The following BIRC6 variants were observed in gnomAD, a reference collection of about 807,000 sequenced individuals.
BIRC6 encodes dual E2 ubiquitin-conjugating enzyme/E3 ubiquitin-protein ligase BIRC6.
BIRC6 carries 98 observed loss-of-function variants against 503.3 expected under a neutral mutation model. That is an observed-to-expected ratio of 0.19 (90% CI 0.17 to 0.23). BIRC6 has a LOEUF of 0.23. Among genes scored for constraint, BIRC6 ranks in the 10% least tolerant of loss-of-function variants. The pLI, the probability that BIRC6 is intolerant of heterozygous loss-of-function variation, is 1.00. For missense variants in BIRC6, 5,360 were observed against 5,806.0 expected, an observed-to-expected ratio of 0.92 and a Z score of 2.50; for synonymous variants, 2,240 against 2,078.7, an observed-to-expected ratio of 1.08 and a Z score of -2.11.
chr2:32,399,474 C>T (rs1204029641), intron 6 of BIRC6, among the ~76,000 whole-genome samples: 1 of 152,164 alleles, frequency 6.6e-6, no homozygotes, highest in African/African-American at 2.4e-5. Flanking sequence ...CTTACTGCAG[C>T]CTCATATTCT....
chr2:32,520,293 A>G (rs907881895), intron 57 of BIRC6, among the ~76,000 whole-genome samples: 1 of 152,204 alleles, frequency 6.6e-6, no homozygotes, highest in African/African-American at 2.4e-5. Context: ...CTGCTTCACA[A>G]TCGCTGTGTC....
intron 65 of BIRC6, chr2:32,558,616 CAG>C (rs2058945537): frequency 6.6e-6 from 1 of 152,110 alleles, no homozygotes; most frequent in African/African-American, 2.4e-5. Context: ...TACTAAATGT[CAG>C]AGTTTTAAAA....
At chr2:32,568,225 T>C (rs1235565286) in intron 65 of BIRC6, among the ~76,000 whole-genome samples, 1 of 151,206 alleles carries the variant, frequency 6.6e-6, no homozygotes, top group Non-Finnish European at 1.5e-5. Flanking sequence ...TTTGAAATAT[T>C]AATCACTGTA....
intron 2 of BIRC6, among the ~76,000 whole-genome samples, chr2:32,378,212 C>G (rs2037105323): frequency 6.6e-6 from 1 of 152,044 alleles, no homozygotes; most frequent in African/African-American, 2.4e-5. Context: ...GCATCTCTCT[C>G]TTCTCTCCTT....
At chr2:32,426,544 C>T (rs1357195802) in intron 10 of BIRC6, among the ~76,000 whole-genome samples, 1 of 152,240 alleles carries the variant, frequency 6.6e-6, no homozygotes, top group East Asian at 1.9e-4. Flanking sequence ...GCGGAGGTTG[C>T]AGTGAGCTGA....
intron 21 of BIRC6, among the ~76,000 whole-genome samples, chr2:32,447,165 C>G (rs1436401435): frequency 4.7e-5 from 7 of 149,914 alleles, no homozygotes; most frequent in Admixed American, 6.6e-5. Context: ...TCCACACAGA[C>G]CCGGCAACCA....
intron 13 of BIRC6, among the ~76,000 whole-genome samples, chr2:32,434,584 A>C (rs1348001530): frequency 6.6e-6 from 1 of 152,224 alleles, no homozygotes; most frequent in Admixed American, 6.5e-5. Flanking sequence ...GTGGTGGCTC[A>C]TGCCTATAAT....
intron 65 of BIRC6, among the ~76,000 whole-genome samples, chr2:32,568,924 A>G (rs984386061): frequency 6.7e-6 from 1 of 149,868 alleles, no homozygotes; most frequent in Admixed American, 6.7e-5. Context: ...AAGAGTAAAC[A>G]TTGTACCCAG....
At chr2:32,442,251 C>T (rs1217204258) in intron 18 of BIRC6, 25 bp downstream of exon 18, 3 of 1,603,190 alleles carry the variant, frequency 1.9e-6, no homozygotes, top group Non-Finnish European at 1.7e-6. Flanking sequence ...TTTTGCTTAC[C>T]ACTGTTGATT....
At chr2:32,516,650 G>C (rs766351693) in intron 55 of BIRC6, among the ~76,000 whole-genome samples, 3 of 149,974 alleles carry the variant, frequency 2.0e-5, no homozygotes, top group Non-Finnish European at 4.4e-5. Context: ...ATAATAAGCT[G>C]GGTGTGGTGG....
chr2:32,607,198 A>G (rs1189219955), intron 71 of BIRC6, among the ~76,000 whole-genome samples: 1 of 149,982 alleles, frequency 6.7e-6, no homozygotes, highest in Non-Finnish European at 1.5e-5. Context: ...ATTATCATCT[A>G]TCTTCATATC....
chr2:32,364,553 C>G (rs2034602465), intron 1 of BIRC6, among the ~76,000 whole-genome samples: 1 of 152,054 alleles, frequency 6.6e-6, no homozygotes, highest in African/African-American at 2.4e-5. Flanking sequence ...GCTCAGTGTT[C>G]TTAGACAAAC....
intron 1 of BIRC6, among the ~76,000 whole-genome samples, chr2:32,374,029 AG>A (rs2036356466): frequency 6.6e-6 from 1 of 152,194 alleles, no homozygotes; most frequent in African/African-American, 2.4e-5. Context: ...AAAGTAGCAA[AG>A]TGGTTGCCAG....
At chr2:32,594,235 A>G (rs2061545710) in intron 67 of BIRC6, 175 bp downstream of exon 67, 2 of 597,062 alleles carry the variant, frequency 3.3e-6, no homozygotes, top group East Asian at 6.0e-5. Flanking sequence ...AATCATGTAT[A>G]GTCTAATTTT....
intron 55 of BIRC6, 59 bp from the exon 56 acceptor site, chr2:32,518,195 A>C: frequency 1.4e-6 from 2 of 1,473,280 alleles, no homozygotes; most frequent in Non-Finnish European, 1.9e-6. Flanking sequence ...TTTATCTTTC[A>C]AAATAAAAAG....
chr2:32,454,638 T>C (rs1264210768), intron 23 of BIRC6, among the ~76,000 whole-genome samples: 1 of 152,246 alleles, frequency 6.6e-6, no homozygotes, highest in African/African-American at 2.4e-5. Context: ...GATTCTTCTG[T>C]TGATGGTTTT....
intron 10 of BIRC6, 140 bp from the exon 11 acceptor site, chr2:32,429,006 A>G (rs1439651375): frequency 1.4e-6 from 1 of 717,258 alleles, no homozygotes; most frequent in Non-Finnish European, 2.1e-6. Context: ...AAATTTCTAA[A>G]CTCTTGGAAA....
rs1403434207 is a variant in BIRC6, at chr2:32,597,882, G to A, written c.13744G>A (p.Ala4582Thr). ...AARARRLAQE[A>T]VTLSTSLPLS... ...CAGAGCTCGCCGCCTTGCCCAGGAA[G>A]CTGTGACGCTTTCAACCTCACTGCC... The change falls in exon 69 of 74, where the codon GCT (alanine) becomes ACT (threonine). Residue 4582 changes from alanine (A) to threonine (T), a missense_variant. Ala to Thr is a moderately conservative substitution (Grantham distance 58). This residue lies in a region of BIRC6 where 477 missense variants were observed against 574.4 expected (regional missense o/e 0.83). Coordinates refer to ENST00000421745, the MANE Select transcript of BIRC6 (RefSeq NM_016252.4). 2 of 1,613,800 alleles carry A rather than the reference G, an allele frequency of 1.2e-6. No individual in the cohort carries two copies. Among genetic ancestry groups the A allele is most frequent in the African/African-American group, 1.3e-5 (1 of 74,932 alleles).
At position 32,617,895 on chromosome 2, in the gene BIRC6, C is replaced by G. The variant is rs958332850; in HGVS notation, c.14565C>G (p.Phe4855Leu). The G allele has an allele frequency of 6.2e-7, 1 of 1,612,626 alleles. No homozygotes were observed. The highest frequency in any genetic ancestry group is 8.5e-7 in the Non-Finnish European group (1 of 1,179,094). Reference protein sequence around the residue: ...PSSSKELPSDFQL With the variant: ...PSSSKELPSDLQL ...GCAGCAAAGAACTCCCCAGTGACTT[C>G]CAGTTATGAGCTGCATTGATGTGGA... Residue 4855 changes from phenylalanine to leucine, a missense_variant, in exon 74 of 74, where the codon TTC (phenylalanine) becomes TTG (leucine). Physicochemically the swap from Phe to Leu is conservative, Grantham distance 22. Transcript: ENST00000421745.
Sources: gnomAD v4.1 joint callset for allele counts (sites outside exome capture counted in the v4.1 genomes callset) on GRCh38, gnomAD v4.1.1 for gene constraint, gnomAD v4.1.1 regional missense constraint, MANE v1.5 for transcripts, NCBI Gene and HGNC (gene_info 2026-07-23, HGNC 2026-07-21) for gene names.